The following MEGF8 variants were observed in gnomAD, a reference collection of about 807,000 sequenced individuals.
The protein encoded by MEGF8 is multiple EGF like domains 8, also known as multiple epidermal growth factor-like domains protein 8.
In MEGF8, 156 loss-of-function variants were observed where a neutral mutation model predicts 302.9. That is an observed-to-expected ratio of 0.52 (90% confidence interval 0.45 to 0.59). The LOEUF (loss-of-function observed/expected upper bound fraction) is 0.59. Among genes scored for constraint, MEGF8 ranks in the 20% least tolerant of loss-of-function variants. MEGF8 has a pLI of 0.00. For missense variants in MEGF8, 3,345 were observed against 3,964.5 expected (o/e 0.84, Z 4.20); for synonymous variants, 1,621 against 1,660.5 (o/e 0.98, Z 0.58).
chr19:42,327,278 C>G (rs1243703254), intron 1 of MEGF8, among the ~76,000 whole-genome samples: 1 of 152,196 alleles, frequency 6.6e-6, no homozygotes, highest in Non-Finnish European at 1.5e-5. Flanking sequence ...TTGGACATAG[C>G]CCAGACTGAG....
intron 1 of MEGF8, among the ~76,000 whole-genome samples, chr19:42,328,259 A>G (rs1413014631): frequency 6.6e-6 from 1 of 152,152 alleles, no homozygotes; most frequent in Non-Finnish European, 1.5e-5. Flanking sequence ...GGCCTCACAG[A>G]GTAGTGGATG....
chr19:42,361,325 C>T (rs766349262), intron 32 of MEGF8, among the ~76,000 whole-genome samples: 1 of 152,308 alleles, frequency 6.6e-6, no homozygotes, highest in Non-Finnish European at 1.5e-5. Flanking sequence ...CTTCCCATGC[C>T]TGGCAGAGGC....
intron 32 of MEGF8, 62 bp from the exon 33 acceptor site, chr19:42,362,028 T>G: frequency 6.3e-7 from 1 of 1,592,742 alleles, no homozygotes; most frequent in Non-Finnish European, 8.5e-7. Flanking sequence ...CAGGACAGTG[T>G]CTGGGAGGCA....
chr19:42,352,545 C>A lies in MEGF8; in HGVS notation c.3350+89C>A, dbSNP rs2039391712. 15 of 1,448,568 alleles carry A rather than the reference C, an allele frequency of 1.0e-5. No homozygotes were observed. Among genetic ancestry groups the A allele is most frequent in the Non-Finnish European group, 1.4e-5 (15 of 1,084,190 alleles). 89.7% of individuals were successfully genotyped at this position (1,448,568 alleles called of 1,614,324 possible). A position where few individuals can be genotyped will look rare whatever the true frequency, so the allele number is the denominator to read the frequency against. Reference sequence around the variant, plus strand: ...AGGAAGCCATCATGGCGCTGGGTCCCCTCCTGTGGAACCAGCATCCCCAGT... The same window carrying A: ...AGGAAGCCATCATGGCGCTGGGTCCACTCCTGTGGAACCAGCATCCCCAGT... On this transcript the variant is annotated intron_variant, in intron 19 of 41. Coordinates refer to ENST00000251268, the MANE Select transcript of MEGF8 (RefSeq NM_001271938.2). This position sits in a 1 kb window ranked among gnomAD's most constrained non-coding sequence, Gnocchi z 4.4.
intron 12 of MEGF8, among the ~76,000 whole-genome samples, chr19:42,345,975 A>G (rs1161720766): frequency 6.6e-6 from 1 of 152,144 alleles, no homozygotes; most frequent in East Asian, 1.9e-4. Flanking sequence ...ATCTTGGCTC[A>G]CTGCAACCTG....
chr19:42,366,382 G>A (rs1259385074), intron 35 of MEGF8, among the ~76,000 whole-genome samples: 1 of 152,060 alleles, frequency 6.6e-6, no homozygotes, highest in Non-Finnish European at 1.5e-5. Context: ...TGTATTTTTA[G>A]TAGAGACTGG....
Position 42,357,275 on chromosome 19 carries a change from C to T in MEGF8, c.4831-129C>T. 1 of 1,181,360 alleles carries T rather than the reference C, an allele frequency of 8.5e-7. No individual in the cohort carries two copies. Among genetic ancestry groups the T allele is most frequent in the Non-Finnish European group, 1.2e-6 (1 of 842,812 alleles). 73.2% of individuals were successfully genotyped at this position (1,181,360 alleles called of 1,614,324 possible). A position where few individuals can be genotyped will look rare whatever the true frequency, so the allele number is the denominator to read the frequency against. On this transcript the variant is annotated intron_variant, in intron 27 of 41. Transcript: ENST00000251268. The surrounding 1 kb of genome is among the most constrained non-coding windows in gnomAD (Gnocchi z 5.2). Reference sequence around the variant, plus strand: ...TCTGCCAGGACCCAGGCTGGTCCGACTGGCCCTGGGGGGGTCATTCCCTCC... The same window carrying T: ...TCTGCCAGGACCCAGGCTGGTCCGATTGGCCCTGGGGGGGTCATTCCCTCC...
chr19:42,359,078 A>T lies in MEGF8; in HGVS notation c.5344-20A>T, dbSNP rs548779755. The stretch of plus-strand genomic sequence containing the variant: ...CTCTGACAGGCTGTCCTGTCCCCCC[A>T]CCCCCCGTCTCCCCAACAGCCCCGC... On this transcript the variant is annotated intron_variant, in intron 30 of 41. Transcript: ENST00000251268. 5 of 732,834 alleles carry T rather than the reference A, an allele frequency of 6.8e-6. No individual in the cohort carries two copies. The South Asian group carries it at 8.0e-5, about 12-fold the overall frequency. The allele number at this position is 732,834 out of a possible 1,614,324, so 45.4% of individuals were successfully genotyped here.
In MEGF8 at chr19:42,356,545, C is replaced by CT; in HGVS notation, c.4622+93dup. On this transcript the variant is annotated intron_variant, in intron 26 of 41. Transcript: ENST00000251268. This position sits in a 1 kb window ranked among gnomAD's most constrained non-coding sequence, Gnocchi z 5.2. ...ACCTCAGAGGAGTGCAGAAAAGCCTCTAAGGTAAAGGACAGCCCAAAGGAT... is the reference window on the plus strand; with the variant it reads ...ACCTCAGAGGAGTGCAGAAAAGCCTCTTAAGGTAAAGGACAGCCCAAAGGAT... 8.8e-7 allele frequency: 1 copy of CT among 1,136,746 alleles called. No homozygotes were observed. Among genetic ancestry groups the CT allele is most frequent in the East Asian group, 2.6e-5 (1 of 38,774 alleles). The allele number at this position is 1,136,746 out of a possible 1,614,324, so 70.4% of individuals were successfully genotyped here.
Position 42,356,753 on chromosome 19 carries a change from T to C in MEGF8, c.4623-21T>C. 6.5e-7 allele frequency: 1 copy of C among 1,534,082 alleles called. No homozygotes were observed. Among genetic ancestry groups the C allele is most frequent in the Non-Finnish European group, 8.8e-7 (1 of 1,136,894 alleles). ...GCTGGGATGACTGTAATGAGGCTGCTTTTTTGCACCCTGGCCCCAGGTACT... is the reference window on the plus strand; with the variant it reads ...GCTGGGATGACTGTAATGAGGCTGCCTTTTTGCACCCTGGCCCCAGGTACT... On this transcript the variant is annotated intron_variant, in intron 26 of 41. Coordinates refer to ENST00000251268, the MANE Select transcript of MEGF8 (RefSeq NM_001271938.2). The surrounding 1 kb of genome is among the most constrained non-coding windows in gnomAD (Gnocchi z 5.2).
intron 41 of MEGF8, among the ~76,000 whole-genome samples, chr19:42,373,755 C>T (rs2039727162): frequency 6.7e-6 from 1 of 148,410 alleles, no homozygotes; most frequent in Admixed American, 6.8e-5. Context: ...CTCTGTCACC[C>T]AGGCTAGAGT....
chr19:42,344,662 C>A lies in MEGF8; in HGVS notation c.1934-8C>A. On this transcript the variant is annotated splice_region_variant and splice_polypyrimidine_tract_variant and intron_variant, in intron 11 of 41. Coordinates refer to ENST00000251268, the MANE Select transcript of MEGF8 (RefSeq NM_001271938.2). The surrounding 1 kb of genome is among the most constrained non-coding windows in gnomAD (Gnocchi z 4.5). ...TGACCCACCGGCCCCCACCCCCTGT[C>A]TTCTCAGAGCAGGCCCGCTGCCGAG... 6.4e-7 allele frequency: 1 copy of A among 1,564,636 alleles called. No homozygotes were observed. Among genetic ancestry groups the A allele is most frequent in the Non-Finnish European group, 8.7e-7 (1 of 1,151,862 alleles).
chr19:42,342,357 G>C (rs1237082034), intron 8 of MEGF8, among the ~76,000 whole-genome samples: 1 of 152,216 alleles, frequency 6.6e-6, no homozygotes. Flanking sequence ...GAGAATTTCT[G>C]GCTGGGCACG....
rs1332385450 is a variant in MEGF8 at position 42,344,527 on chromosome 19, A to G, written c.1875A>G (p.Pro625=). 1.9e-6 allele frequency: 3 copies of G among 1,599,738 alleles called. No individual in the cohort carries two copies. Among genetic ancestry groups the G allele is most frequent in the South Asian group, 1.1e-5 (1 of 90,940 alleles). ...CLAFSSPTAP[P]RGPGTLGWCV... ...CCTTCAGCAGCCCCACAGCCCCTCCACGGGGACCTGGCACCCTGGGCTGGT... is the reference window on the plus strand; with the variant it reads ...CCTTCAGCAGCCCCACAGCCCCTCCGCGGGGACCTGGCACCCTGGGCTGGT... Residue 625 remains proline (P), a synonymous_variant, in exon 11 of 42, where the codon CCA becomes CCG. Transcript: ENST00000251268. The surrounding 1 kb of genome is among the most constrained non-coding windows in gnomAD (Gnocchi z 4.5).
rs369775275 is a variant in MEGF8 at position 42,369,585 on chromosome 19, T to C, written c.6696T>C (p.Cys2232=). 17 of 1,612,270 alleles carry C rather than the reference T, an allele frequency of 1.1e-5. No individual in the cohort carries two copies. Among genetic ancestry groups the C allele is most frequent in the Non-Finnish European group, 1.4e-5 (17 of 1,179,804 alleles). The change falls in exon 38 of 42, where the codon TGT becomes TGC. Residue 2232 remains cysteine, a synonymous_variant. Transcript: ENST00000251268. The surrounding 1 kb of genome is among the most constrained non-coding windows in gnomAD (Gnocchi z 5.7). The part of the protein sequence containing the change: ...VCAQGCVNGS[C]VEPDHCRCHF... ...CCCAGGGCTGCGTGAACGGCTCATG[T>C]GTGGAGCCCGACCACTGCCGCTGCC...
chr19:42,367,948 G>T (rs2039631215), intron 35 of MEGF8, among the ~76,000 whole-genome samples: 1 of 152,092 alleles, frequency 6.6e-6, no homozygotes, highest in Admixed American at 6.5e-5. Flanking sequence ...TTGAGACAGA[G>T]TCTTACTCTG....
chr19:42,356,015 G>A lies in MEGF8; in HGVS notation c.4392+10G>A. ...AGGAACTTGTAACCAGGTACAGGTG[G>A]GAGAGGGCAAGTCTGGTGGGACAGG... On this transcript the variant is annotated intron_variant, in intron 24 of 41. Coordinates refer to ENST00000251268, the MANE Select transcript of MEGF8 (RefSeq NM_001271938.2). The surrounding 1 kb of genome is among the most constrained non-coding windows in gnomAD (Gnocchi z 5.2). 5 of 1,609,126 alleles carry A rather than the reference G, an allele frequency of 3.1e-6. No individual in the cohort carries two copies. The highest frequency in any genetic ancestry group is 4.3e-6 in the Non-Finnish European group (5 of 1,176,434).
chr19:42,362,224 G>A lies in MEGF8; in HGVS notation c.5844+11G>A. ...CCTGGAGATGGAGAGGTGAGTGGTGGGGAAGGCAGGGATGAGAAGCAGCAG... is the reference window on the plus strand; with the variant it reads ...CCTGGAGATGGAGAGGTGAGTGGTGAGGAAGGCAGGGATGAGAAGCAGCAG... On this transcript the variant is annotated intron_variant, in intron 33 of 41. Transcript: ENST00000251268. The A allele has an allele frequency of 2.5e-6, 4 of 1,610,006 alleles. No individual in the cohort carries two copies. The highest frequency in any genetic ancestry group is 2.5e-6 in the Non-Finnish European group (3 of 1,179,272).
Position 42,368,737 on chromosome 19 carries a change from T to C in MEGF8, c.6481+75T>C. 2 of 1,548,196 alleles carry C rather than the reference T, an allele frequency of 1.3e-6. No individual in the cohort carries two copies. Among genetic ancestry groups the C allele is most frequent in the Non-Finnish European group, 1.7e-6 (2 of 1,148,630 alleles). The stretch of plus-strand genomic sequence containing the variant: ...TCTGATACAGTGAACATAGGGATAC[T>C]GGGCCAGACCCAGAGGTGGGGCTCA... On this transcript the variant is annotated intron_variant, in intron 36 of 41. Coordinates refer to ENST00000251268, the MANE Select transcript of MEGF8 (RefSeq NM_001271938.2). This position sits in a 1 kb window ranked among gnomAD's most constrained non-coding sequence, Gnocchi z 4.9.
Sources: allele counts gnomAD v4.1 joint callset (sites outside exome capture counted in the v4.1 genomes callset), GRCh38; gene constraint gnomAD v4.1.1; non-coding constraint Gnocchi (gnomAD v3.1); transcripts MANE v1.5; gene names NCBI Gene and HGNC (gene_info 2026-07-23, HGNC 2026-07-21).